Variants in SERF2 observed in about 807,000 individuals in gnomAD.
The protein encoded by SERF2 is small EDRK-rich factor 2, also known as gastric cancer-related protein VRG107.
Under a neutral mutation model 10.7 loss-of-function variants are expected in SERF2, and 4 were observed. That is an observed-to-expected ratio of 0.37 (90% CI 0.18 to 0.86). The LOEUF (loss-of-function observed/expected upper bound fraction) is 0.86, where lower values mean the gene tolerates loss of function less well. Ranked by LOEUF, SERF2 falls within the 40% of genes least tolerant of loss-of-function variation. The probability of loss-of-function intolerance (pLI) is 0.43; values close to 1 mark genes in which losing one functional copy is unlikely to be tolerated. For synonymous variants in SERF2, 26 were observed against 26.0 expected (o/e 1.00, Z 0.01); for missense variants, 47 against 79.1 (o/e 0.59, Z 1.54).
chr15:43,794,284 A>C lies in SERF2; in HGVS notation c.*511A>C. 3.5e-6 allele frequency: 1 copy of C among 287,100 alleles called. No homozygotes were observed. Among genetic ancestry groups the C allele is most frequent in the East Asian group, 6.6e-5 (1 of 15,142 alleles). 17.8% of individuals were successfully genotyped at this position (287,100 alleles called of 1,614,324 possible). On this transcript the variant is annotated 3_prime_UTR_variant, in exon 3 of 3. Transcript: ENST00000249786. ...TTCTTTTCTGTGATTTTTGTTCCCC[A>C]CCCTTGAACACCATCTCTAGGATGG...
chr15:43,783,624 G>A lies in SERF2; in HGVS notation c.-526-1786G>A, dbSNP rs72714319. On this transcript the variant is annotated intron_variant, in intron 1 of 4. Coordinates refer to the SERF2 transcript ENST00000381359. ...GCTTCATAATTTTTTTTAAGAGACA[G>A]AATTTTGCCCTGTTGCCCAGGCTGG... Among the ~76,000 whole-genome samples, 866 of 144,680 alleles carry A rather than the reference G, an allele frequency of 6.0e-3. 6 individuals carry two copies. Among genetic ancestry groups the A allele is most frequent in the Non-Finnish European group, 8.6e-3 (564 of 65,914 alleles). The allele number at this position is 144,680 out of a possible 152,430, so 94.9% of individuals were successfully genotyped here.
At position 43,792,539 on chromosome 15, in the gene SERF2, G is replaced by A; in HGVS notation, c.7+156G>A. The A allele has an allele frequency of 2.0e-6, 3 of 1,510,392 alleles. 1 individual carries two copies. In the South Asian group the frequency reaches 3.7e-5, roughly 19 times the overall value. 93.6% of individuals were successfully genotyped at this position (1,510,392 alleles called of 1,614,324 possible). On this transcript the variant is annotated intron_variant, in intron 1 of 2. Transcript: ENST00000249786. ...CTCACACTCGGTGCCCGGAAATCGA[G>A]CCCTTTGCCCACGGCTACTTCACGG...
chr15:43,782,742 T>C (rs2086974231), intron 1 of SERF2, among the ~76,000 whole-genome samples: 1 of 152,206 alleles, frequency 6.6e-6, no homozygotes, highest in South Asian at 2.1e-4. Context: ...CTCCCTCATT[T>C]TGGTGCAAAG....
At chr15:43,789,478 C>T (rs2141674355), upstream of SERF2, among the ~76,000 whole-genome samples, 2 of 152,316 alleles carry the variant, frequency 1.3e-5, no homozygotes, top group East Asian at 3.9e-4. Flanking sequence ...TCACTTACTT[C>T]ACCTCCCTAA....
intron 1 of SERF2, chr15:43,792,649 GCCCCCACTCCACAAGCCAGCCCAT>G: frequency 1.4e-6 from 2 of 1,382,182 alleles, no homozygotes; most frequent in Non-Finnish European, 9.5e-7. Flanking sequence ...TAGGCCCAGA[GCCCCCACTCCACAAGCCAGCCCAT>G]CCCCCACGGA....
intron 2 of SERF2, 53 bp downstream of exon 2, chr15:43,793,136 G>A (rs979722292): frequency 2.7e-5 from 32 of 1,186,410 alleles, no homozygotes; most frequent in Admixed American, 7.5e-5. Context: ...GTTAGACCAA[G>A]GGTTATAGAA....
At chr15:43,784,830 G>A (rs1461727932) in intron 1 of SERF2, among the ~76,000 whole-genome samples, 2 of 151,702 alleles carry the variant, frequency 1.3e-5, no homozygotes, top group African/African-American at 4.8e-5. Flanking sequence ...TTGGCTCACT[G>A]CAACCTCCAC....
intron 1 of SERF2, among the ~76,000 whole-genome samples, chr15:43,782,416 T>A (rs1484674372): frequency 1.3e-5 from 2 of 152,054 alleles, no homozygotes; most frequent in African/African-American, 4.8e-5. Context: ...AATTATGCAT[T>A]TTTTTTGTTT....
At chr15:43,780,967 A>G (rs2086959751) in intron 1 of SERF2, among the ~76,000 whole-genome samples, 1 of 151,960 alleles carries the variant, frequency 6.6e-6, no homozygotes, top group Admixed American at 6.6e-5. Context: ...CCTTATTGAG[A>G]ACTTCTACCT....
At chr15:43,784,875 C>G (rs1302026923) in intron 1 of SERF2, among the ~76,000 whole-genome samples, 1 of 151,956 alleles carries the variant, frequency 6.6e-6, no homozygotes, top group African/African-American at 2.4e-5. Flanking sequence ...GCCTCAGCCT[C>G]CCAAGTAGCT....
chr15:43,788,616 C>G (rs568320248), upstream of SERF2, among the ~76,000 whole-genome samples: 2 of 152,308 alleles, frequency 1.3e-5, no homozygotes, highest in South Asian at 4.1e-4. Flanking sequence ...CTGTGATAGT[C>G]TCCTGACTGG....
chr15:43,777,899 C>T (rs923770455), intron 1 of SERF2: 1 of 151,902 alleles, frequency 6.6e-6, no homozygotes, highest in Non-Finnish European at 1.5e-5. Context: ...CCCCGGGAAC[C>T]TTAACGTCCT....
intron 1 of SERF2, among the ~76,000 whole-genome samples, chr15:43,780,499 C>T (rs1441109780): frequency 3.3e-5 from 5 of 152,080 alleles, no homozygotes; most frequent in Non-Finnish European, 7.4e-5. Flanking sequence ...TATCCTATCG[C>T]CCTGCAGCCA....
chr15:43,794,221 G>A lies in SERF2; in HGVS notation c.*448G>A, dbSNP rs1029056184. On this transcript the variant is annotated 3_prime_UTR_variant, in exon 3 of 3. Transcript: ENST00000249786. ...CAATGACAACCAAACAAGTACTCCG[G>A]ATATGCAGTAGAGGAATCCTCTAAG... 22 of 483,030 alleles carry A rather than the reference G, an allele frequency of 4.6e-5. No homozygotes were observed. The highest frequency in any genetic ancestry group is 7.3e-5 in the Non-Finnish European group (20 of 272,668). 29.9% of individuals were successfully genotyped at this position (483,030 alleles called of 1,614,324 possible). A position where few individuals can be genotyped will look rare whatever the true frequency, so the allele number is the denominator to read the frequency against.
chr15:43,785,792 G>A lies in SERF2; in HGVS notation c.-402+258G>A, dbSNP rs142970066. Among the ~76,000 whole-genome samples, 458 of 138,728 alleles carry A rather than the reference G, an allele frequency of 3.3e-3. 4 individuals carry two copies. The highest frequency in any genetic ancestry group is 0.012 in the African/African-American group (428 of 36,710). 91.0% of individuals were successfully genotyped at this position (138,728 alleles called of 152,430 possible). On this transcript the variant is annotated intron_variant, in intron 2 of 4. Transcript: ENST00000381359. ...TTGATCTCAGCTCATTGCAACCTCC[G>A]CCTCCTGGGTTCAAGCAATTCTTGC... is the stretch of plus-strand genomic sequence containing the variant.
At chr15:43,793,278 C>T (rs560873966) in intron 2 of SERF2, 195 bp downstream of exon 2, 41 of 570,372 alleles carry the variant, frequency 7.2e-5, no homozygotes, top group African/African-American at 6.5e-4. Flanking sequence ...AGGACGGGGG[C>T]GGGCGCCTGC....
At chr15:43,793,132 C>T (rs764724701) in intron 2 of SERF2, 49 bp downstream of exon 2, 85 of 1,233,160 alleles carry the variant, frequency 6.9e-5, no homozygotes, top group Non-Finnish European at 9.7e-5. Context: ...CTGGGTTAGA[C>T]CAAGGGTTAT....
At position 43,792,483 on chromosome 15, in the gene SERF2, G is replaced by A. The variant is rs565882646; in HGVS notation, c.7+100G>A. Reference sequence around the variant, plus strand: ...TGACCTTCCGTAGCTTCCCTAGCAAGGCGTTTCTCTGGGCGCGCTCTGTGG... The same window carrying A: ...TGACCTTCCGTAGCTTCCCTAGCAAAGCGTTTCTCTGGGCGCGCTCTGTGG... On this transcript the variant is annotated intron_variant, in intron 1 of 2. Coordinates refer to ENST00000249786, the MANE Select transcript of SERF2 (RefSeq NM_001018108.4). The A allele has an allele frequency of 2.3e-4, 368 of 1,601,552 alleles. 4 individuals carry two copies. The South Asian group carries it at 3.8e-3, about 17-fold the overall frequency.
At chr15:43,786,237 A>G (rs1287374799) in intron 2 of SERF2, among the ~76,000 whole-genome samples, 1 of 151,260 alleles carries the variant, frequency 6.6e-6, no homozygotes, top group Non-Finnish European at 1.5e-5. Flanking sequence ...AACACGGTGA[A>G]ACCCTGTCTC....
Sources: gnomAD v4.1 joint callset for allele counts (sites outside exome capture counted in the v4.1 genomes callset) on GRCh38, gnomAD v4.1.1 for gene constraint, MANE v1.5 for transcripts, NCBI Gene and HGNC (gene_info 2026-07-23, HGNC 2026-07-21) for gene names.